Variants in PLBD1 observed in about 807,000 individuals in gnomAD.
PLBD1 encodes phospholipase B domain containing 1, also known as lysosomal leucine aminopeptidase.
A neutral mutation model predicts 63.0 loss-of-function variants in PLBD1; 60 were observed. That is an observed-to-expected ratio of 0.95 (90% CI 0.77 to 1.18). The LOEUF (loss-of-function observed/expected upper bound fraction) is 1.18. Among genes scored for constraint, PLBD1 ranks in the 50% most tolerant of loss-of-function variants. The probability of loss-of-function intolerance (pLI) is 0.00; values close to 1 mark genes in which losing one functional copy is unlikely to be tolerated. For synonymous variants in PLBD1, 262 were observed against 248.0 expected, an observed-to-expected ratio of 1.06 and a Z score of -0.53; for missense variants, 598 against 677.9, an observed-to-expected ratio of 0.88 and a Z score of 1.31.
chr12:14,558,857 GT>G (rs1274876971), intron 1 of PLBD1, among the ~76,000 whole-genome samples: 2 of 152,142 alleles, frequency 1.3e-5, no homozygotes, highest in Non-Finnish European at 2.9e-5. Context: ...TGACACTCGT[GT>G]ACCTCCATGA....
intron 4 of PLBD1, among the ~76,000 whole-genome samples, chr12:14,538,655 A>G (rs957526897): frequency 2.0e-5 from 3 of 152,194 alleles, no homozygotes; most frequent in African/African-American, 4.8e-5. Flanking sequence ...GTTTGAGTCT[A>G]TGTGTAGGAT....
chr12:14,519,770 G>A (rs1455102854), intron 6 of PLBD1, among the ~76,000 whole-genome samples: 1 of 152,124 alleles, frequency 6.6e-6, no homozygotes, highest in Non-Finnish European at 1.5e-5. Context: ...TCAGCTTCTA[G>A]AACTGTGAGA....
intron 2 of PLBD1, among the ~76,000 whole-genome samples, chr12:14,547,531 A>C (rs1433569341): frequency 6.6e-6 from 1 of 152,134 alleles, no homozygotes; most frequent in Non-Finnish European, 1.5e-5. Flanking sequence ...CATGCTTCTG[A>C]ATTCTCATCA....
intron 5 of PLBD1, among the ~76,000 whole-genome samples, 168 bp downstream of exon 5, chr12:14,536,402 C>G (rs1945514798): frequency 6.6e-6 from 1 of 152,194 alleles, no homozygotes; most frequent in Admixed American, 6.5e-5. Flanking sequence ...CGTGTACTTA[C>G]AATTCTCTCC....
intron 2 of PLBD1, among the ~76,000 whole-genome samples, chr12:14,551,837 G>A (rs1192860349): frequency 1.3e-5 from 2 of 152,126 alleles, no homozygotes; most frequent in East Asian, 1.9e-4. Flanking sequence ...AGAATTCAGT[G>A]CGAACAGAAG....
chr12:14,539,644 G>C (rs1240362473), intron 4 of PLBD1, among the ~76,000 whole-genome samples: 1 of 151,466 alleles, frequency 6.6e-6, no homozygotes, highest in African/African-American at 2.4e-5. Flanking sequence ...AAATTAGTTG[G>C]GTGTGGTGGC....
intron 8 of PLBD1, among the ~76,000 whole-genome samples, chr12:14,507,365 C>T (rs552718829): frequency 6.6e-6 from 1 of 152,220 alleles, no homozygotes; most frequent in Non-Finnish European, 1.5e-5. Context: ...TCAGAATTCT[C>T]TGGTTTTCAC....
intron 4 of PLBD1, among the ~76,000 whole-genome samples, chr12:14,537,357 G>A (rs1032173548): frequency 4.6e-5 from 7 of 152,214 alleles, no homozygotes; most frequent in South Asian, 2.1e-4. Context: ...GTTGTTGTGC[G>A]TTGTGAGATG....
At position 14,503,837 on chromosome 12, in the gene PLBD1, T is replaced by G; in HGVS notation, c.1597A>C (p.Met533Leu). 2 of 1,613,940 alleles carry G rather than the reference T, an allele frequency of 1.2e-6. No individual in the cohort carries two copies. Among genetic ancestry groups the G allele is most frequent in the Non-Finnish European group, 1.7e-6 (2 of 1,179,814 alleles). ...AAATCAAAGTTGTAGACCTCTGGCA[T>G]GCCCTGATGTAGAGTTTTGTTGAAA... Reference protein sequence around the residue: ...DRFNKTLHQGMPEVYNFDFIT... With the variant: ...DRFNKTLHQGLPEVYNFDFIT... The change falls in exon 11 of 11, where the codon ATG (methionine) becomes CTG (leucine). Residue 533 changes from methionine to leucine, a missense_variant. Met to Leu is a conservative substitution (Grantham distance 15). Coordinates refer to ENST00000240617, the MANE Select transcript of PLBD1 (RefSeq NM_024829.6).
intron 5 of PLBD1, chr12:14,536,258 C>T (rs1171332524): frequency 1.4e-5 from 4 of 292,030 alleles, no homozygotes; most frequent in Non-Finnish European, 2.6e-5. Context: ...AAGCTCACAC[C>T]ACTGCACTCC....
rs1253693281 is a variant in PLBD1, at chr12:14,511,596, G to C, written c.960C>G (p.Leu320=). The C allele has an allele frequency of 6.2e-7, 1 of 1,614,086 alleles. No individual in the cohort carries two copies. Among genetic ancestry groups the C allele is most frequent in the Admixed American group, 1.7e-5 (1 of 60,004 alleles). Residue 320 remains leucine, a synonymous_variant, in exon 7 of 11, where the codon CTC becomes CTG. Coordinates refer to ENST00000240617, the MANE Select transcript of PLBD1 (RefSeq NM_024829.6). ...TLLKQVIPET[L]LSWQRVRVAN... ...CCACACGGACTCTTTGCCAGGACAGGAGAGTCTCGGGTATTACCTGCTTTA... is the reference window on the plus strand; with the variant it reads ...CCACACGGACTCTTTGCCAGGACAGCAGAGTCTCGGGTATTACCTGCTTTA...
chr12:14,548,070 T>C (rs1945628698), intron 2 of PLBD1, among the ~76,000 whole-genome samples: 2 of 152,194 alleles, frequency 1.3e-5, no homozygotes, highest in South Asian at 4.1e-4. Flanking sequence ...TGACACATTG[T>C]AAATGGTATA....
intron 6 of PLBD1, among the ~76,000 whole-genome samples, chr12:14,515,781 G>A (rs1009460359): frequency 2.6e-5 from 4 of 152,090 alleles, no homozygotes; most frequent in African/African-American, 9.7e-5. Flanking sequence ...GGCCAAGCTG[G>A]CTCATGCCTG....
chr12:14,562,738 G>A (rs751346863), intron 1 of PLBD1, among the ~76,000 whole-genome samples: 3 of 152,102 alleles, frequency 2.0e-5, no homozygotes, highest in South Asian at 2.1e-4. Flanking sequence ...AAACCTAAAT[G>A]CATAAAAATT....
At chr12:14,511,817 C>T in intron 6 of PLBD1, 106 bp from the exon 7 acceptor site, 1 of 1,082,084 alleles carries the variant, frequency 9.2e-7, no homozygotes, top group Non-Finnish European at 1.4e-6. Flanking sequence ...CAAAGTGTAT[C>T]AGTTATTACT....
At chr12:14,553,549 A>G in intron 1 of PLBD1, 137 bp from the exon 2 acceptor site, 11 of 751,332 alleles carry the variant, frequency 1.5e-5, no homozygotes, top group Non-Finnish European at 1.9e-5. Flanking sequence ...CTGCCGTTAC[A>G]GTTTGCCCTT....
intron 6 of PLBD1, among the ~76,000 whole-genome samples, chr12:14,523,417 A>G (rs1037501871): frequency 4.6e-5 from 7 of 152,204 alleles, no homozygotes; most frequent in Non-Finnish European, 1.0e-4. Context: ...AAAGCAATTG[A>G]CAGATTCAGT....
At position 14,567,724 on chromosome 12, in the gene PLBD1, G is replaced by C; in HGVS notation, c.-28C>G. ...CTCCACGGCCGCGACCTTCCTCTGC[G>C]GGATCAGGCGGCCGCGGTGGCCCGC... On this transcript the variant is annotated 5_prime_UTR_variant, in exon 1 of 11. Transcript: ENST00000240617. 2 of 1,393,506 alleles carry C rather than the reference G, an allele frequency of 1.4e-6. No individual in the cohort carries two copies. Among genetic ancestry groups the C allele is most frequent in the East Asian group, 3.0e-5 (1 of 33,456 alleles). 86.3% of individuals were successfully genotyped at this position (1,393,506 alleles called of 1,614,324 possible).
At chr12:14,504,073 G>A (rs982436829) in intron 10 of PLBD1, 119 bp from the exon 11 acceptor site, 14 of 965,354 alleles carry the variant, frequency 1.5e-5, no homozygotes, top group Non-Finnish European at 2.0e-5. Context: ...TTTTGAGTCG[G>A]AGTTTCGCTC....
Sources: gnomAD v4.1 joint callset for allele counts (sites outside exome capture counted in the v4.1 genomes callset) on GRCh38, gnomAD v4.1.1 for gene constraint, MANE v1.5 for transcripts, NCBI Gene and HGNC (gene_info 2026-07-23, HGNC 2026-07-21) for gene names.